The following STAU2 variants were observed in gnomAD, a reference collection of about 807,000 sequenced individuals.
STAU2 encodes staufen double-stranded RNA binding protein 2.
STAU2 carries 20 observed loss-of-function variants against 65.9 expected under a neutral mutation model. The observed-to-expected ratio is 0.30, with a 90% confidence interval of 0.21 to 0.44. STAU2 has a LOEUF of 0.44. Ranked by LOEUF, STAU2 falls within the 20% of genes least tolerant of loss-of-function variation. STAU2 has a pLI of 1.00. For missense variants in STAU2, 558 were observed against 683.9 expected, an observed-to-expected ratio of 0.82 and a Z score of 2.05; for synonymous variants, 232 against 233.9, an observed-to-expected ratio of 0.99 and a Z score of 0.07.
intron 4 of STAU2, among the ~76,000 whole-genome samples, chr8:73,705,370 T>C (rs890057089): frequency 5.3e-5 from 8 of 152,116 alleles, no homozygotes; most frequent in Non-Finnish European, 1.0e-4. Flanking sequence ...TGACATTGCC[T>C]CCCTCAGTGA....
chr8:73,581,686 C>T (rs886557157), intron 12 of STAU2, among the ~76,000 whole-genome samples: 1 of 152,102 alleles, frequency 6.6e-6, no homozygotes, highest in Admixed American at 6.6e-5. Context: ...TTCATCACCC[C>T]TATTTATACA....
intron 13 of STAU2, chr8:73,550,063 T>G: frequency 1.0e-6 from 1 of 985,468 alleles, no homozygotes; most frequent in Non-Finnish European, 1.2e-6. Context: ...TCCCGGAGAT[T>G]CTGCTCACTG....
intron 13 of STAU2, among the ~76,000 whole-genome samples, chr8:73,442,102 C>A (rs970872879): frequency 6.6e-6 from 1 of 152,090 alleles, no homozygotes; most frequent in Non-Finnish European, 1.5e-5. Flanking sequence ...CACCTGTAAT[C>A]CCAGCACTTT....
At chr8:73,439,593 G>A (rs1817981301) in intron 13 of STAU2, among the ~76,000 whole-genome samples, 1 of 152,216 alleles carries the variant, frequency 6.6e-6, no homozygotes, top group African/African-American at 2.4e-5. Context: ...GAGATTCGCA[G>A]CTGAACAAAC....
intron 13 of STAU2, chr8:73,527,518 T>G (rs1805523759): frequency 2.2e-6 from 1 of 450,852 alleles, no homozygotes; most frequent in Non-Finnish European, 4.0e-6. Flanking sequence ...AAATCTACTA[T>G]GATATCAATT....
chr8:73,528,640 T>C (rs1388405517), intron 13 of STAU2, among the ~76,000 whole-genome samples: 1 of 152,188 alleles, frequency 6.6e-6, no homozygotes. Context: ...CTATTTATTA[T>C]ATTAGAGAGA....
At chr8:73,474,719 T>C (rs906038487) in intron 13 of STAU2, among the ~76,000 whole-genome samples, 1 of 152,174 alleles carries the variant, frequency 6.6e-6, no homozygotes, top group Non-Finnish European at 1.5e-5. Flanking sequence ...ATACAGCTTA[T>C]TTTTATTTAA....
intron 6 of STAU2, among the ~76,000 whole-genome samples, chr8:73,663,517 G>C (rs1816996238): frequency 1.3e-5 from 2 of 151,860 alleles, no homozygotes; most frequent in South Asian, 4.2e-4. Context: ...AGGTAGTGTG[G>C]GCCAGCCAAT....
At chr8:73,628,492 T>A (rs1326363339) in intron 6 of STAU2, among the ~76,000 whole-genome samples, 1 of 152,144 alleles carries the variant, frequency 6.6e-6, no homozygotes, top group Non-Finnish European at 1.5e-5. Context: ...TGTAAGAATA[T>A]TCCTATTATT....
At chr8:73,575,131 A>T (rs1409882193) in intron 12 of STAU2, among the ~76,000 whole-genome samples, 1 of 145,528 alleles carries the variant, frequency 6.9e-6, no homozygotes, top group Non-Finnish European at 1.5e-5. Context: ...TACCAAGTAA[A>T]AAAAAAAAAA....
chr8:73,672,886 G>T, intron 6 of STAU2: 2 of 276,010 alleles, frequency 7.2e-6, no homozygotes, highest in Non-Finnish European at 1.2e-5. Context: ...GATCTTTTAC[G>T]TTTGTGGGGT....
intron 13 of STAU2, among the ~76,000 whole-genome samples, chr8:73,549,251 AT>A (rs1355571425): frequency 6.6e-6 from 1 of 152,194 alleles, no homozygotes; most frequent in Non-Finnish European, 1.5e-5. Flanking sequence ...TGAATAAAAC[AT>A]TTAAAAGAAT....
intron 6 of STAU2, among the ~76,000 whole-genome samples, chr8:73,658,935 A>AAC (rs1181853768): frequency 0.026 from 966 of 36,492 alleles, 15 homozygotes; most frequent in African/African-American, 0.051. Context: ...CAACAACAAC[A>AAC]AAAACAACAA....
At chr8:73,707,112 ACAGGTTGGGATC>A (rs1820560245) in intron 4 of STAU2, among the ~76,000 whole-genome samples, 1 of 152,226 alleles carries the variant, frequency 6.6e-6, no homozygotes. Flanking sequence ...AAGAGGTGAA[ACAGGTTGGGATC>A]CAGGACACAA....
chr8:73,722,791 A>G (rs1821777040), intron 3 of STAU2, among the ~76,000 whole-genome samples: 1 of 152,236 alleles, frequency 6.6e-6, no homozygotes, highest in African/African-American at 2.4e-5. Flanking sequence ...CAAGTGAAAC[A>G]AAGTAGAACA....
At chr8:73,494,202 C>A (rs550458887) in intron 13 of STAU2, among the ~76,000 whole-genome samples, 1 of 151,672 alleles carries the variant, frequency 6.6e-6, no homozygotes, top group Non-Finnish European at 1.5e-5. Context: ...CGTTTATGGA[C>A]GCCCATGCTA....
At chr8:73,426,469 C>T (rs1168874893) in intron 13 of STAU2, among the ~76,000 whole-genome samples, 1 of 152,150 alleles carries the variant, frequency 6.6e-6, no homozygotes, top group Non-Finnish European at 1.5e-5. Context: ...CTCTCTTCCC[C>T]CTACCCTTCC....
At chr8:73,425,016 C>T (rs901568191) in intron 13 of STAU2, among the ~76,000 whole-genome samples, 9 of 152,238 alleles carry the variant, frequency 5.9e-5, no homozygotes, top group Non-Finnish European at 1.0e-4. Context: ...CTGGCCCATG[C>T]TCATGCTGGA....
chr8:73,481,528 A>AC (rs144941077), intron 13 of STAU2, among the ~76,000 whole-genome samples: 8 of 145,448 alleles, frequency 5.5e-5, no homozygotes, highest in African/African-American at 1.8e-4. Context: ...AAAAAAAAAA[A>AC]CACTTTTTTT....
Sources: gnomAD v4.1 joint callset for allele counts (sites outside exome capture counted in the v4.1 genomes callset) on GRCh38, gnomAD v4.1.1 for gene constraint, MANE v1.5 for transcripts, NCBI Gene and HGNC (gene_info 2026-07-23, HGNC 2026-07-21) for gene names.